The following CIST1 variants were observed in gnomAD, a reference collection of about 807,000 sequenced individuals.
The protein encoded by CIST1 is colon, intestine and stomach enriched 1.
At chr19:18,250,571 C>G in the CIST1 span, 1 of 397,932 alleles carries the variant, frequency 2.5e-6, no homozygotes, top group Middle Eastern at 6.3e-4. Context: ...TCTCAGGAAG[C>G]TGACCTCTCT....
the CIST1 span, among the ~76,000 whole-genome samples, chr19:18,251,615 A>G: frequency 6.8e-6 from 1 of 146,780 alleles, no homozygotes; most frequent in African/African-American, 2.5e-5. Flanking sequence ...TTGTAGTTTT[A>G]ATAGAGACGG....
chr19:18,252,826 C>G, the CIST1 span, among the ~76,000 whole-genome samples: 1 of 152,186 alleles, frequency 6.6e-6, no homozygotes, highest in Non-Finnish European at 1.5e-5. Flanking sequence ...AGATTTGTCT[C>G]GAACTTCTGA....
the CIST1 span, among the ~76,000 whole-genome samples, chr19:18,254,075 G>A: frequency 6.6e-6 from 1 of 152,218 alleles, no homozygotes; most frequent in South Asian, 2.1e-4. Context: ...CCCAGGCCCT[G>A]TGGGGATGAC....
the CIST1 span, chr19:18,251,975 G>A: frequency 2.5e-6 from 1 of 397,896 alleles, no homozygotes; most frequent in African/African-American, 2.1e-5. Flanking sequence ...CATTCTCGGG[G>A]CTGTACCTCC....
the CIST1 span, chr19:18,252,024 C>G: frequency 2.5e-6 from 1 of 398,582 alleles, no homozygotes; most frequent in Non-Finnish European, 4.4e-6. Flanking sequence ...CTGTTACACC[C>G]GCCACCTCCC....
chr19:18,251,458 A>G, the CIST1 span, among the ~76,000 whole-genome samples: 1 of 142,278 alleles, frequency 7.0e-6, no homozygotes, highest in Non-Finnish European at 1.5e-5. Context: ...TATTTGAGAC[A>G]GAGTCTTACT....
the CIST1 span, chr19:18,255,410 G>T: frequency 2.5e-6 from 1 of 397,406 alleles, no homozygotes; most frequent in South Asian, 1.3e-4. The surrounding 1 kb of genome is among the most constrained non-coding windows in gnomAD (Gnocchi z 4.6). Context: ...CCTGCTGGCG[G>T]AGCGCGGGGC....
the CIST1 span, among the ~76,000 whole-genome samples, chr19:18,254,625 A>G: frequency 6.6e-6 from 1 of 152,194 alleles, no homozygotes; most frequent in Non-Finnish European, 1.5e-5. Flanking sequence ...TGAGCATTTC[A>G]GCAGCCATGG....
the CIST1 span, among the ~76,000 whole-genome samples, chr19:18,251,136 TC>T: frequency 3.1e-5 from 4 of 130,430 alleles, no homozygotes; most frequent in Non-Finnish European, 6.8e-5. Context: ...GTCTTTTTTT[TC>T]CCCCCCGAGA....
the CIST1 span, among the ~76,000 whole-genome samples, chr19:18,250,674 A>G: frequency 6.6e-6 from 1 of 150,740 alleles, no homozygotes; most frequent in African/African-American, 2.4e-5. Flanking sequence ...TAGTGCAATC[A>G]CAGCTCACTG....
At chr19:18,252,241 G>C in the CIST1 span, 157 of 399,156 alleles carry the variant, frequency 3.9e-4, no homozygotes, top group African/African-American at 2.5e-3. Flanking sequence ...GTCTCTGGTT[G>C]TGGGGAGGAG....
chr19:18,252,606 TTCTC>T, the CIST1 span: 16 of 367,752 alleles, frequency 4.4e-5, no homozygotes, highest in South Asian at 1.7e-4. Context: ...CTCTCTCTCT[TTCTC>T]TCTCTCTTTT....
At chr19:18,253,075 A>G in the CIST1 span, among the ~76,000 whole-genome samples, 1 of 152,188 alleles carries the variant, frequency 6.6e-6, no homozygotes, top group Non-Finnish European at 1.5e-5. Flanking sequence ...CAGCGTTCCC[A>G]GTCCTCTTGG....
chr19:18,250,219 G>T, the CIST1 span: 1 of 398,890 alleles, frequency 2.5e-6, no homozygotes, highest in East Asian at 3.6e-5. Context: ...ACACCAAAAG[G>T]CTCTGCAGCC....
At chr19:18,252,319 G>A in the CIST1 span, 1 of 399,122 alleles carries the variant, frequency 2.5e-6, no homozygotes, top group Non-Finnish European at 4.4e-6. Flanking sequence ...GAACTTGAGG[G>A]GCTGAGGTGG....
At chr19:18,251,940 CAG>C in the CIST1 span, 18 of 397,126 alleles carry the variant, frequency 4.5e-5, no homozygotes, top group Middle Eastern at 6.3e-4. Flanking sequence ...GACAATGGAG[CAG>C]AGACAAGAAG....
At chr19:18,250,769 G>T in the CIST1 span, among the ~76,000 whole-genome samples, 1 of 147,008 alleles carries the variant, frequency 6.8e-6, no homozygotes, top group Non-Finnish European at 1.5e-5. Context: ...ACCATGCCTG[G>T]ACAATTTTTT....
chr19:18,251,527 T>C, the CIST1 span, among the ~76,000 whole-genome samples: 1 of 151,928 alleles, frequency 6.6e-6, no homozygotes, highest in African/African-American at 2.4e-5. Context: ...CTCTGCCGCC[T>C]GGGTTCAAGC....
chr19:18,251,775 A>G, the CIST1 span, among the ~76,000 whole-genome samples: 3 of 137,606 alleles, frequency 2.2e-5, no homozygotes, highest in Admixed American at 8.0e-5. Flanking sequence ...TTTTGTAGAG[A>G]CAAAGTCCTG....
Sources: gnomAD v4.1 joint callset for allele counts (sites outside exome capture counted in the v4.1 genomes callset) on GRCh38, gnomAD v4.1.1 for gene constraint, Gnocchi (gnomAD v3.1) non-coding constraint, MANE v1.5 for transcripts, NCBI Gene and HGNC (gene_info 2026-07-23, HGNC 2026-07-21) for gene names.